Variants in SLC25A12 observed in about 807,000 individuals in gnomAD.
The protein encoded by SLC25A12 is solute carrier family 25 member 12.
In SLC25A12, 32 loss-of-function variants were observed where a neutral mutation model predicts 83.3. The ratio of observed to expected loss-of-function variants is 0.38; its 90% CI spans 0.29 to 0.52. SLC25A12 has a LOEUF of 0.52. SLC25A12 is among the 20% of genes least tolerant of loss of function. The pLI, the probability that SLC25A12 is intolerant of heterozygous loss-of-function variation, is 0.84. For missense variants in SLC25A12, 611 were observed against 835.6 expected (o/e 0.73, Z 3.31); for synonymous variants, 267 against 291.1 (o/e 0.92, Z 0.84).
chr2:171,802,348 C>T (rs1171749296), intron 13 of SLC25A12, among the ~76,000 whole-genome samples: 1 of 152,112 alleles, frequency 6.6e-6, no homozygotes, highest in Non-Finnish European at 1.5e-5. Flanking sequence ...ATAGATACTA[C>T]AAACAAATAA....
Position 171,855,863 on chromosome 2 carries a change from T to C in SLC25A12, c.296A>G (p.Asp99Gly). The C allele has an allele frequency of 6.2e-7, 1 of 1,612,432 alleles. No homozygotes were observed. Among genetic ancestry groups the C allele is most frequent in the Non-Finnish European group, 8.5e-7 (1 of 1,178,474 alleles). The change falls in exon 4 of 18, where the codon GAC becomes GGC. Residue 99 changes from aspartate (D) to glycine (G), a missense_variant. Around this residue, in one of 3 missense-constraint regions of SLC25A12, gnomAD observed 540 missense variants for 777.5 expected, o/e 0.69. Coordinates refer to ENST00000422440, the MANE Select transcript of SLC25A12 (RefSeq NM_003705.5). Reference protein sequence around the residue: ...SMFIVAFQLFDKSGNGEVTFE... With the variant: ...SMFIVAFQLFGKSGNGEVTFE... ...TGTCACCTCTCCATTTCCACTCTTGTCAAACAACTGGAAAGCCACTATGAA... is the reference window on the plus strand; with the variant it reads ...TGTCACCTCTCCATTTCCACTCTTGCCAAACAACTGGAAAGCCACTATGAA...
intron 9 of SLC25A12, among the ~76,000 whole-genome samples, chr2:171,816,775 T>C (rs1558917317): frequency 6.6e-6 from 1 of 152,184 alleles, no homozygotes; most frequent in Admixed American, 6.5e-5. Context: ...AAGACAACAG[T>C]TGAAAACATA....
At chr2:171,807,797 T>A (rs370381393) in intron 13 of SLC25A12, among the ~76,000 whole-genome samples, 1 of 152,170 alleles carries the variant, frequency 6.6e-6, no homozygotes, top group East Asian at 1.9e-4. Flanking sequence ...AAAAAAGAAA[T>A]GTAGCCAAAG....
intron 8 of SLC25A12, among the ~76,000 whole-genome samples, chr2:171,828,372 T>C (rs958032713): frequency 1.3e-5 from 2 of 152,246 alleles, no homozygotes; most frequent in African/African-American, 2.4e-5. Flanking sequence ...AGCCCTCTTT[T>C]CTTATGTCAA....
At chr2:171,886,752 C>A (rs557655758) in intron 2 of SLC25A12, among the ~76,000 whole-genome samples, 1 of 152,060 alleles carries the variant, frequency 6.6e-6, no homozygotes. Flanking sequence ...CCTTGTGATC[C>A]GCCCACCTTG....
At chr2:171,834,699 C>G (rs1558924679) in intron 7 of SLC25A12, 28 bp downstream of exon 7, 1 of 1,609,062 alleles carries the variant, frequency 6.2e-7, no homozygotes, top group East Asian at 2.2e-5. Context: ...TGCTGAGATT[C>G]TTATTTATGT....
intron 11 of SLC25A12, among the ~76,000 whole-genome samples, chr2:171,812,050 G>A (rs1474074266): frequency 2.6e-5 from 4 of 152,248 alleles, no homozygotes; most frequent in South Asian, 4.2e-4. Flanking sequence ...GATATTGTAC[G>A]CCTTTCCACA....
chr2:171,817,682 A>T (rs1036213320), intron 9 of SLC25A12, among the ~76,000 whole-genome samples: 12 of 151,794 alleles, frequency 7.9e-5, no homozygotes, highest in African/African-American at 2.7e-4. Flanking sequence ...CTGGATGAAA[A>T]TAAATTTCAT....
intron 13 of SLC25A12, among the ~76,000 whole-genome samples, chr2:171,800,680 C>T (rs1220584283): frequency 1.3e-5 from 2 of 152,162 alleles, no homozygotes; most frequent in African/African-American, 4.8e-5. Context: ...TTTACAGCAA[C>T]CTTATTTGTA....
rs147448669 is a variant in SLC25A12, at chr2:171,804,862, G to A, written c.1305+4744C>T. On this transcript the variant is annotated intron_variant, in intron 13 of 17. Transcript: ENST00000422440. ...TTCAAGGTTGCTGTGAGCCTTGATC[G>A]CACCACTGCACTCCTGCCTGGGCAA... Among the ~76,000 whole-genome samples, 106 of 152,296 alleles carry A rather than the reference G, an allele frequency of 7.0e-4. 1 individual carries two copies. The East Asian group carries it at 0.013, about 19-fold the overall frequency.
chr2:171,854,141 G>A (rs1684994724), intron 4 of SLC25A12, among the ~76,000 whole-genome samples: 1 of 152,238 alleles, frequency 6.6e-6, no homozygotes. Context: ...TGAATGAGAT[G>A]ATGGAGGGTT....
intron 9 of SLC25A12, among the ~76,000 whole-genome samples, chr2:171,822,572 G>A (rs1172065162): frequency 6.6e-6 from 1 of 152,032 alleles, no homozygotes; most frequent in Non-Finnish European, 1.5e-5. Flanking sequence ...TTTTTTTAGA[G>A]ACAGGGTTTC....
At chr2:171,875,278 G>A (rs1685541049) in intron 2 of SLC25A12, among the ~76,000 whole-genome samples, 1 of 152,266 alleles carries the variant, frequency 6.6e-6, no homozygotes, top group African/African-American at 2.4e-5. Flanking sequence ...CCCTTAATCC[G>A]CTGCTCATTG....
At chr2:171,856,981 C>T (rs780198592) in intron 3 of SLC25A12, among the ~76,000 whole-genome samples, 2 of 151,960 alleles carry the variant, frequency 1.3e-5, no homozygotes, top group African/African-American at 2.4e-5. Flanking sequence ...GAGGTATAAA[C>T]GAAATAATTA....
intron 3 of SLC25A12, among the ~76,000 whole-genome samples, chr2:171,857,312 A>C (rs899540772): frequency 6.6e-6 from 1 of 152,224 alleles, no homozygotes; most frequent in Non-Finnish European, 1.5e-5. Context: ...TAGAGGCTGT[A>C]ATAAGCCATG....
chr2:171,893,885 C>G (rs1685994906), intron 1 of SLC25A12, among the ~76,000 whole-genome samples: 2 of 152,128 alleles, frequency 1.3e-5, no homozygotes, highest in Non-Finnish European at 2.9e-5. Flanking sequence ...GCCACTTCCT[C>G]CCACACCCTT....
At chr2:171,871,829 G>T in intron 2 of SLC25A12, 1 of 764,304 alleles carries the variant, frequency 1.3e-6, no homozygotes, top group Non-Finnish European at 1.6e-6. Context: ...AGAGGTGGGA[G>T]AATCACTTGA....
chr2:171,809,701 A>G lies in SLC25A12; in HGVS notation c.1225-15T>C, dbSNP rs765144005. Reference sequence around the variant, plus strand: ...AAATCATTAACCTAATTAGAAAGACAACATCAGTTAACCAAAATTCCCAAC... The same window carrying G: ...AAATCATTAACCTAATTAGAAAGACGACATCAGTTAACCAAAATTCCCAAC... On this transcript the variant is annotated splice_polypyrimidine_tract_variant and intron_variant, in intron 12 of 17. Transcript: ENST00000422440. 5.7e-6 allele frequency: 9 copies of G among 1,585,222 alleles called. No homozygotes were observed. The highest frequency in any genetic ancestry group is 7.8e-6 in the Non-Finnish European group (9 of 1,153,710).
intron 13 of SLC25A12, among the ~76,000 whole-genome samples, chr2:171,800,785 A>G (rs1402282214): frequency 6.6e-6 from 1 of 152,232 alleles, no homozygotes; most frequent in East Asian, 1.9e-4. Flanking sequence ...AATTTAAAAC[A>G]AACACAAACC....
Sources: gnomAD v4.1 joint callset for allele counts (sites outside exome capture counted in the v4.1 genomes callset) on GRCh38, gnomAD v4.1.1 for gene constraint, gnomAD v4.1.1 regional missense constraint, MANE v1.5 for transcripts, NCBI Gene and HGNC (gene_info 2026-07-23, HGNC 2026-07-21) for gene names.